Variants in CFAP46 observed in about 807,000 individuals in gnomAD.
The protein encoded by CFAP46 is cilia- and flagella-associated protein 46.
In CFAP46, 245 loss-of-function variants were observed where a neutral mutation model predicts 325.7. The ratio of observed to expected loss-of-function variants is 0.75; its 90% CI spans 0.68 to 0.84. The LOEUF (loss-of-function observed/expected upper bound fraction) is 0.84. Among genes scored for constraint, CFAP46 ranks in the 40% least tolerant of loss-of-function variants. CFAP46 has a pLI of 0.00. For synonymous variants in CFAP46, 1,523 were observed against 1,495.9 expected (o/e 1.02, Z -0.42); for missense variants, 3,346 against 3,543.0 (o/e 0.94, Z 1.41).
intron 39 of CFAP46, among the ~76,000 whole-genome samples, chr10:132,852,762 T>G (rs1394851755): frequency 1.3e-5 from 2 of 152,280 alleles, no homozygotes; most frequent in East Asian, 1.9e-4. Flanking sequence ...AGTTATCTTT[T>G]GTAGTTCTCA....
chr10:132,921,421 A>C (rs2135602775), intron 13 of CFAP46, among the ~76,000 whole-genome samples: 1 of 152,342 alleles, frequency 6.6e-6, no homozygotes, highest in East Asian at 1.9e-4. Flanking sequence ...ACCCTGGCTC[A>C]GTCCCCGCAC....
rs528119777 is a variant in CFAP46 at position 132,889,332 on chromosome 10, G to A, written c.3304+3001C>T. On this transcript the variant is annotated intron_variant, in intron 25 of 57. Coordinates refer to ENST00000368586, the MANE Select transcript of CFAP46 (RefSeq NM_001200049.3). The surrounding 1 kb of genome is among the most constrained non-coding windows in gnomAD (Gnocchi z 6.0). ...GACCGGCTGGGTCTAGGGAGCAGAG[G>A]TGCCCATGGCTGGAAGGAAGGCACC... 4.6e-5 allele frequency among the ~76,000 whole-genome samples: 7 copies of A among 152,330 alleles called. No homozygotes were observed. In the East Asian group the frequency reaches 5.8e-4, roughly 13 times the overall value.
intron 4 of CFAP46, among the ~76,000 whole-genome samples, chr10:132,940,441 A>T (rs1042888735): frequency 3.3e-5 from 5 of 152,200 alleles, no homozygotes; most frequent in African/African-American, 4.8e-5. Flanking sequence ...AAAGTGCTGG[A>T]GTCGCCTCCG....
chr10:132,808,769 T>C lies in CFAP46; in HGVS notation c.7800A>G (p.Pro2600=), dbSNP rs1265885793. 8.2e-6 allele frequency: 13 copies of C among 1,591,580 alleles called. No individual in the cohort carries two copies. Among genetic ancestry groups the C allele is most frequent in the Middle Eastern group, 3.3e-4 (2 of 6,024 alleles). Residue 2600 remains proline (P), a synonymous_variant, in exon 58 of 58, where the codon CCA becomes CCG. Coordinates refer to ENST00000368586, the MANE Select transcript of CFAP46 (RefSeq NM_001200049.3). The surrounding 1 kb of genome is among the most constrained non-coding windows in gnomAD (Gnocchi z 6.8). ...CAAGTGCTGGGGCCCCAGCAGCTGATGGGAGGCAGGTCCAGGCCTGCACTA... is the reference window on the plus strand; with the variant it reads ...CAAGTGCTGGGGCCCCAGCAGCTGACGGGAGGCAGGTCCAGGCCTGCACTA... ...HRVVQAWTCL[P]SAAGAPALAS...
chr10:132,938,681 A>C lies in CFAP46; in HGVS notation c.444T>G (p.Tyr148Ter). The part of the protein sequence containing the change: ...QMVRPFLKPG[Y>*]RHHLIPSLSQ... ...AAAGGCTGGGGATCAGATGGTGACG[A>C]TATCCAGGCTTGAGGAACGGCCTCA... The change falls in exon 5 of 58, where the codon TAT becomes TAG. Residue 148 changes from tyrosine to a stop codon, truncating the protein, a stop_gained. Transcript: ENST00000368586. LOFTEE classifies it high-confidence loss of function. 1 of 1,613,726 alleles carries C rather than the reference A, an allele frequency of 6.2e-7. No homozygotes were observed. Among genetic ancestry groups the C allele is most frequent in the Non-Finnish European group, 8.5e-7 (1 of 1,179,962 alleles).
intron 25 of CFAP46, among the ~76,000 whole-genome samples, chr10:132,891,146 T>G (rs964988714): frequency 6.6e-6 from 1 of 152,228 alleles, no homozygotes; most frequent in African/African-American, 2.4e-5. Context: ...GAGGCCAGAC[T>G]TCGCGGCAGC....
chr10:132,909,076 A>C, intron 21 of CFAP46, 61 bp downstream of exon 21: 3 of 1,268,164 alleles, frequency 2.4e-6, no homozygotes, highest in Non-Finnish European at 3.3e-6. Flanking sequence ...CACCTAGGGC[A>C]AGAGCCTCGG....
chr10:132,889,541 G>A lies in CFAP46; in HGVS notation c.3304+2792C>T, dbSNP rs745487667. On this transcript the variant is annotated intron_variant, in intron 25 of 57. Coordinates refer to ENST00000368586, the MANE Select transcript of CFAP46 (RefSeq NM_001200049.3). The surrounding 1 kb of genome is among the most constrained non-coding windows in gnomAD (Gnocchi z 6.0). Reference sequence around the variant, plus strand: ...CATTAAACCAGGGTCCAATGAACTTGGAAACCACACATAGGGTCGCAGGGA... The same window carrying A: ...CATTAAACCAGGGTCCAATGAACTTAGAAACCACACATAGGGTCGCAGGGA... 6.6e-6 allele frequency among the ~76,000 whole-genome samples: 1 copy of A among 152,198 alleles called. No individual in the cohort carries two copies. Among genetic ancestry groups the A allele is most frequent in the Non-Finnish European group, 1.5e-5 (1 of 68,036 alleles).
chr10:132,881,061 C>A (rs1218569871), intron 27 of CFAP46, 29 bp from the exon 28 acceptor site: 1 of 1,547,028 alleles, frequency 6.5e-7, no homozygotes, highest in Non-Finnish European at 8.7e-7. Flanking sequence ...AGGGTGACAT[C>A]CTCAGGATGG....
At position 132,833,423 on chromosome 10, in the gene CFAP46, A is replaced by G. The variant is rs1188339905; in HGVS notation, c.7052T>C (p.Ile2351Thr). ...EGLSVFDEGT[I>T]SSVSREFSLQ... ...AGAAAATTCTCGTGACACAGAGGAA[A>G]TTGTCCCTTCATCGAACACAGAGAG... is the stretch of plus-strand genomic sequence containing the variant. Residue 2351 changes from isoleucine (I) to threonine (T), a missense_variant, in exon 50 of 58, where the codon ATT becomes ACT. Coordinates refer to ENST00000368586, the MANE Select transcript of CFAP46 (RefSeq NM_001200049.3). 1 of 1,614,164 alleles carries G rather than the reference A, an allele frequency of 6.2e-7. No individual in the cohort carries two copies. The highest frequency in any genetic ancestry group is 1.1e-5 in the South Asian group (1 of 91,084).
In CFAP46 at chr10:132,939,719, T is replaced by C. The variant is rs1293379661; in HGVS notation, c.372-966A>G. ...ACGCCTGCTTGAGTCAGAGGGGTCA[T>C]CATGGGACTCCAGCGGCCTGCTGCG... is the stretch of plus-strand genomic sequence containing the variant. On this transcript the variant is annotated intron_variant, in intron 4 of 57. Transcript: ENST00000368586. The surrounding 1 kb of genome is among the most constrained non-coding windows in gnomAD (Gnocchi z 4.6). 6.6e-6 allele frequency among the ~76,000 whole-genome samples: 1 copy of C among 152,122 alleles called. No individual in the cohort carries two copies. The highest frequency in any genetic ancestry group is 6.5e-5 in the Admixed American group (1 of 15,280).
At chr10:132,857,441 T>G (rs1198300317) in intron 39 of CFAP46, 149 bp downstream of exon 39, 2 of 740,050 alleles carry the variant, frequency 2.7e-6, no homozygotes, top group Non-Finnish European at 4.3e-6. Context: ...TGTTTGTTTT[T>G]TTGTTGTTTC....
chr10:132,815,639 G>A (rs1591029487), intron 50 of CFAP46, among the ~76,000 whole-genome samples: 1 of 152,282 alleles, frequency 6.6e-6, no homozygotes, highest in East Asian at 1.9e-4. Flanking sequence ...GGTTAAACTG[G>A]GGCCCGGCAC....
chr10:132,885,733 ACAGGCGG>A lies in CFAP46; in HGVS notation c.3443+81_3443+87del, dbSNP rs1849114781. The stretch of plus-strand genomic sequence containing the variant: ...TGGGGATGCAGTGGGTGGAGCACTC[ACAGGCGG>A]TGTGGGGAGCACTCACAGGCGGTGG... On this transcript the variant is annotated intron_variant, in intron 26 of 57. Coordinates refer to ENST00000368586, the MANE Select transcript of CFAP46 (RefSeq NM_001200049.3). 90 of 1,391,586 alleles carry A rather than the reference ACAGGCGG, an allele frequency of 6.5e-5. No homozygotes were observed. In the African/African-American group the frequency reaches 1.1e-3, roughly 16 times the overall value. The allele number at this position is 1,391,586 out of a possible 1,614,324, so 86.2% of individuals were successfully genotyped here. A position where few individuals can be genotyped will look rare whatever the true frequency, so the allele number is the denominator to read the frequency against.
chr10:132,925,763 G>C (rs1477675528), intron 10 of CFAP46, among the ~76,000 whole-genome samples: 1 of 152,252 alleles, frequency 6.6e-6, no homozygotes, highest in Non-Finnish European at 1.5e-5. Flanking sequence ...ACGTGTGCCA[G>C]GCAGTGCGGG....
chr10:132,819,346 G>A (rs1210017759), intron 50 of CFAP46, among the ~76,000 whole-genome samples: 1 of 152,170 alleles, frequency 6.6e-6, no homozygotes, highest in Non-Finnish European at 1.5e-5. Context: ...CAGATGCAAT[G>A]CACTATCAAA....
At chr10:132,853,090 C>T (rs766066988) in intron 39 of CFAP46, among the ~76,000 whole-genome samples, 4 of 129,598 alleles carry the variant, frequency 3.1e-5, no homozygotes, top group East Asian at 2.1e-4. Flanking sequence ...CATGTCAACA[C>T]GGAACACAGG....
chr10:132,853,268 A>G (rs985815171), intron 39 of CFAP46, among the ~76,000 whole-genome samples: 2 of 152,222 alleles, frequency 1.3e-5, no homozygotes, highest in African/African-American at 4.8e-5. Context: ...ATGGGTGTTG[A>G]ATTTTGTCAA....
intron 9 of CFAP46, chr10:132,929,376 C>T (rs371583633): frequency 6.2e-6 from 4 of 644,614 alleles, no homozygotes; most frequent in Non-Finnish European, 1.2e-5. Context: ...GTGATTTACA[C>T]GTCCAATAAT....
Sources: gnomAD v4.1 joint callset for allele counts (sites outside exome capture counted in the v4.1 genomes callset) on GRCh38, gnomAD v4.1.1 for gene constraint, Gnocchi (gnomAD v3.1) non-coding constraint, MANE v1.5 for transcripts, NCBI Gene and HGNC (gene_info 2026-07-23, HGNC 2026-07-21) for gene names.